Variants in FAM110B observed in about 807,000 individuals in gnomAD.
FAM110B encodes the protein protein FAM110B.
In FAM110B, 6 loss-of-function variants were observed where a neutral mutation model predicts 20.4. The ratio of observed to expected loss-of-function variants is 0.29; its 90% confidence interval spans 0.16 to 0.58. The LOEUF is 0.58. FAM110B is among the 20% of genes least tolerant of loss of function. The pLI is 0.90. For synonymous variants in FAM110B, 226 were observed against 214.1 expected (o/e 1.06, Z -0.49); for missense variants, 434 against 498.2 (o/e 0.87, Z 1.23).
chr8:58,052,937 T>C (rs112324939), intron 2 of FAM110B, among the ~76,000 whole-genome samples: 7,691 of 147,930 alleles, frequency 0.052, 312 homozygotes, highest in African/African-American at 0.1. Context: ...AGGCGCCCGC[T>C]ACCACGCCCG....
chr8:58,015,471 G>A (rs1804618742), intron 1 of FAM110B, among the ~76,000 whole-genome samples: 3 of 152,080 alleles, frequency 2.0e-5, no homozygotes, highest in Admixed American at 6.5e-5. Flanking sequence ...AATTTTGGAG[G>A]AATACAGTGA....
At chr8:58,063,509 A>G (rs571037725) in intron 2 of FAM110B, among the ~76,000 whole-genome samples, 1 of 152,282 alleles carries the variant, frequency 6.6e-6, no homozygotes, top group South Asian at 2.1e-4. Flanking sequence ...TGAATTTCAG[A>G]TTTTTTCAGA....
Position 58,125,430 on chromosome 8 carries a change from G to A in FAM110B, c.-324-20477G>A, listed in dbSNP as rs190153608. Among the ~76,000 whole-genome samples the A allele has an allele frequency of 5.8e-4, 89 of 152,316 alleles. 1 individual carries two copies. Among genetic ancestry groups the A allele is most frequent in the Admixed American group, 2.9e-3 (45 of 15,308 alleles). On this transcript the variant is annotated intron_variant, in intron 3 of 3. Coordinates refer to ENST00000519262, the MANE Select transcript of FAM110B (RefSeq NM_001377989.1). ...TCTTATCTCATCTTCTCAATGCAGT[G>A]TCAATTTAATATCCTCATAGACATG... is the stretch of plus-strand genomic sequence containing the variant.
intron 3 of FAM110B, among the ~76,000 whole-genome samples, chr8:58,140,261 A>G (rs947261266): frequency 2.0e-5 from 3 of 152,110 alleles, no homozygotes; most frequent in African/African-American, 7.2e-5. Context: ...CCTCTTAAAC[A>G]TCTCTTGAAA....
At chr8:58,081,004 G>A (rs1806176187) in intron 3 of FAM110B, among the ~76,000 whole-genome samples, 1 of 152,152 alleles carries the variant, frequency 6.6e-6, no homozygotes, top group African/African-American at 2.4e-5. Flanking sequence ...CCTTTCCTCT[G>A]GGAAGAAGCC....
chr8:58,135,516 G>T (rs566134867), intron 3 of FAM110B, among the ~76,000 whole-genome samples: 2 of 152,024 alleles, frequency 1.3e-5, no homozygotes, highest in African/African-American at 4.8e-5. Context: ...TTTTATTTCA[G>T]AGTAAATATC....
At chr8:58,085,088 G>A (rs1323193087) in intron 3 of FAM110B, among the ~76,000 whole-genome samples, 2 of 152,188 alleles carry the variant, frequency 1.3e-5, no homozygotes, top group African/African-American at 4.8e-5. Flanking sequence ...GAAAAAGCAG[G>A]CTTCGTTTTC....
chr8:58,033,919 C>T (rs1585828131), intron 2 of FAM110B, among the ~76,000 whole-genome samples: 1 of 152,288 alleles, frequency 6.6e-6, no homozygotes, highest in African/African-American at 2.4e-5. Flanking sequence ...TCAGGCTCAA[C>T]CCTCCTACTA....
At chr8:58,036,258 AT>A (rs1377670868) in intron 2 of FAM110B, among the ~76,000 whole-genome samples, 1 of 152,204 alleles carries the variant, frequency 6.6e-6, no homozygotes, top group Non-Finnish European at 1.5e-5. Context: ...TAACATCATT[AT>A]ATTCTGGCAG....
At chr8:58,139,518 C>T (rs1356820860) in intron 3 of FAM110B, among the ~76,000 whole-genome samples, 1 of 152,190 alleles carries the variant, frequency 6.6e-6, no homozygotes, top group Non-Finnish European at 1.5e-5. Context: ...CAGCCTTTTA[C>T]TCCTCCATTC....
intron 2 of FAM110B, among the ~76,000 whole-genome samples, chr8:58,053,134 C>CT (rs1207611262): frequency 6.6e-6 from 1 of 152,170 alleles, no homozygotes; most frequent in East Asian, 1.9e-4. Flanking sequence ...ATATAAAACT[C>CT]TATCAGCTGA....
intron 2 of FAM110B, among the ~76,000 whole-genome samples, chr8:58,033,234 A>AT (rs925958432): frequency 3.3e-5 from 5 of 151,990 alleles, no homozygotes; most frequent in South Asian, 2.1e-4. Context: ...ACGTGATTGC[A>AT]TTTTTTTAAT....
intron 3 of FAM110B, among the ~76,000 whole-genome samples, chr8:58,129,132 CA>C (rs1202147461): frequency 6.6e-6 from 1 of 152,122 alleles, no homozygotes; most frequent in Non-Finnish European, 1.5e-5. Context: ...CTCTAATAGT[CA>C]ATAAGAAAGA....
chr8:58,068,267 C>T (rs1805815208), intron 2 of FAM110B, among the ~76,000 whole-genome samples: 1 of 152,234 alleles, frequency 6.6e-6, no homozygotes. Context: ...TAGGATGATG[C>T]TTCAAGGTAG....
chr8:58,098,636 GC>G (rs1362226172), intron 3 of FAM110B, among the ~76,000 whole-genome samples: 1 of 152,174 alleles, frequency 6.6e-6, no homozygotes, highest in Non-Finnish European at 1.5e-5. Flanking sequence ...CCAAACGGCT[GC>G]CCAGTTTTGT....
chr8:58,053,337 C>T (rs1370464438), intron 2 of FAM110B, among the ~76,000 whole-genome samples: 1 of 152,166 alleles, frequency 6.6e-6, no homozygotes, highest in Non-Finnish European at 1.5e-5. Context: ...GATTTAATGA[C>T]AACTTGGCTG....
chr8:58,074,775 G>A (rs778882181), intron 2 of FAM110B, among the ~76,000 whole-genome samples: 9 of 152,236 alleles, frequency 5.9e-5, no homozygotes, highest in African/African-American at 2.2e-4. Flanking sequence ...GTGGTGCTGC[G>A]GAGCCCCTCA....
chr8:58,040,765 T>TA (rs1485769937), intron 2 of FAM110B, among the ~76,000 whole-genome samples: 5 of 151,610 alleles, frequency 3.3e-5, no homozygotes, highest in African/African-American at 1.2e-4. Flanking sequence ...ATCAGCTTTT[T>TA]TAAAAAAAAT....
chr8:58,106,308 G>T (rs1806916706), intron 3 of FAM110B: 1 of 152,082 alleles, frequency 6.6e-6, no homozygotes, highest in Non-Finnish European at 1.5e-5. Flanking sequence ...GCTGGTGATG[G>T]TTCTGTGCAC....
Sources: allele counts gnomAD v4.1 joint callset (sites outside exome capture counted in the v4.1 genomes callset), GRCh38; gene constraint gnomAD v4.1.1; transcripts MANE v1.5; gene names NCBI Gene and HGNC (gene_info 2026-07-23, HGNC 2026-07-21).